Variants in WDR47 observed in about 807,000 individuals in gnomAD.
WDR47 encodes the protein WD repeat domain 47, also known as WD repeat-containing protein 47.
In WDR47, 32 loss-of-function variants were observed where a neutral mutation model predicts 97.2. The ratio of observed to expected loss-of-function variants is 0.33; its 90% confidence interval spans 0.25 to 0.44. The LOEUF is 0.44. Ranked by LOEUF, WDR47 falls within the 20% of genes least tolerant of loss-of-function variation. The pLI is 1.00. For missense variants in WDR47, 782 were observed against 1,102.3 expected, an observed-to-expected ratio of 0.71 and a Z score of 4.11; for synonymous variants, 375 against 373.5, an observed-to-expected ratio of 1.00 and a Z score of -0.05.
intron 10 of WDR47, among the ~76,000 whole-genome samples, chr1:108,986,048 A>C (rs1029654567): frequency 9.9e-5 from 15 of 152,096 alleles, no homozygotes; most frequent in South Asian, 6.2e-4. Flanking sequence ...ATAATTAAAA[A>C]GTCTTAAGAG....
intron 7 of WDR47, among the ~76,000 whole-genome samples, chr1:109,001,780 A>G (rs1660210489): frequency 6.6e-6 from 1 of 152,130 alleles, no homozygotes; most frequent in Non-Finnish European, 1.5e-5. Flanking sequence ...AGCGCCAGCT[A>G]CGCAGGAGGC....
chr1:109,014,913 A>T (rs2101961465), intron 3 of WDR47, among the ~76,000 whole-genome samples: 1 of 152,364 alleles, frequency 6.6e-6, no homozygotes, highest in Non-Finnish European at 1.5e-5. Context: ...CTGTTGTAGT[A>T]GCAAATTGTG....
chr1:109,035,737 CCA>C lies in WDR47; in HGVS notation c.-10+6123_-10+6124del, dbSNP rs539837479. ...TCTCGAACTCCCGACCTCAGGTGAT[CCA>C]CCCACCTCGGTCTCCCAAAATGCTG... On this transcript the variant is annotated intron_variant, in intron 1 of 14. Transcript: ENST00000369962. Among the ~76,000 whole-genome samples the C allele has an allele frequency of 2.2e-3, 330 of 152,046 alleles. 2 individuals carry two copies. The highest frequency in any genetic ancestry group is 7.5e-3 in the African/African-American group (311 of 41,492).
Position 109,015,838 on chromosome 1 carries a change from C to G in WDR47, c.242+1680G>C, listed in dbSNP as rs533023774. 9.2e-5 allele frequency among the ~76,000 whole-genome samples: 14 copies of G among 151,484 alleles called. No individual in the cohort carries two copies. In the East Asian group the frequency reaches 2.8e-3, roughly 30 times the overall value. On this transcript the variant is annotated intron_variant, in intron 3 of 14. Transcript: ENST00000369962. The stretch of plus-strand genomic sequence containing the variant: ...CCATTTCTAACAATACAAAAATTAG[C>G]TAGGCACAGTGGTGCATGCCTGTAG...
At chr1:108,984,008 G>A (rs1658567056) in intron 10 of WDR47, among the ~76,000 whole-genome samples, 1 of 152,146 alleles carries the variant, frequency 6.6e-6, no homozygotes. Context: ...AATTTTTACA[G>A]AAAAATAAGA....
chr1:109,024,321 G>A (rs1662055778), intron 1 of WDR47, among the ~76,000 whole-genome samples: 1 of 152,106 alleles, frequency 6.6e-6, no homozygotes, highest in Non-Finnish European at 1.5e-5. Context: ...GGGCAAGATG[G>A]TGTGTGTCTA....
chr1:108,995,233 T>G (rs1386268565), intron 8 of WDR47, among the ~76,000 whole-genome samples: 4 of 152,160 alleles, frequency 2.6e-5, no homozygotes, highest in Non-Finnish European at 5.9e-5. Flanking sequence ...GCCCTGAAAG[T>G]CTGAATTTTA....
chr1:108,986,961 G>T, intron 9 of WDR47: 1 of 261,094 alleles, frequency 3.8e-6, no homozygotes, highest in South Asian at 7.5e-5. Flanking sequence ...TATCATCAGT[G>T]ATGCTTCTTA....
In WDR47 at chr1:109,011,307, A is replaced by G; in HGVS notation, c.739T>C (p.Trp247Arg). The G allele has an allele frequency of 6.2e-7, 1 of 1,614,236 alleles. No homozygotes were observed. Among genetic ancestry groups the G allele is most frequent in the African/African-American group, 1.3e-5 (1 of 75,068 alleles). The change falls in exon 5 of 15, where the codon TGG (tryptophan) becomes CGG (arginine). Residue 247 changes from tryptophan (W) to arginine (R), a missense_variant. Around this residue, in one of 3 missense-constraint regions of WDR47, gnomAD observed 428 missense variants for 584.3 expected, o/e 0.73. Transcript: ENST00000369962. ...CDDLDLSLLS[W>R]LQNLPSSVFS... ...ACAGAAGATGGAAGATTCTGAAGCCATGACAGTAAACTCAGATCCAAATCA... is the reference window on the plus strand; with the variant it reads ...ACAGAAGATGGAAGATTCTGAAGCCGTGACAGTAAACTCAGATCCAAATCA...
chr1:109,028,634 G>T (rs924709329), intron 1 of WDR47, among the ~76,000 whole-genome samples: 1 of 151,588 alleles, frequency 6.6e-6, no homozygotes, highest in African/African-American at 2.4e-5. Flanking sequence ...TGTATCTTTA[G>T]TAGAGGTGGG....
At chr1:109,036,926 T>C (rs1405714825) in intron 1 of WDR47, among the ~76,000 whole-genome samples, 2 of 152,226 alleles carry the variant, frequency 1.3e-5, no homozygotes, top group Non-Finnish European at 2.9e-5. Flanking sequence ...ATTCCCATCA[T>C]CTAGGCTCTT....
chr1:109,033,780 G>A (rs1390611855), intron 1 of WDR47, among the ~76,000 whole-genome samples: 1 of 152,186 alleles, frequency 6.6e-6, no homozygotes, highest in African/African-American at 2.4e-5. Flanking sequence ...TTAGCTGGAC[G>A]TGATGGCACA....
chr1:108,982,542 G>A, intron 12 of WDR47, 67 bp downstream of exon 12: 1 of 1,514,788 alleles, frequency 6.6e-7, no homozygotes, highest in Non-Finnish European at 8.8e-7. Context: ...AAAAGAAAAT[G>A]CAGAGAGGAA....
chr1:109,004,235 A>C (rs1012136981), intron 6 of WDR47, among the ~76,000 whole-genome samples: 42 of 152,018 alleles, frequency 2.8e-4, no homozygotes, highest in Non-Finnish European at 5.0e-4. Context: ...ACTGCACTCC[A>C]GCCTGGGCGA....
At chr1:108,984,256 G>A (rs1169904246) in intron 10 of WDR47, among the ~76,000 whole-genome samples, 1 of 152,020 alleles carries the variant, frequency 6.6e-6, no homozygotes, top group African/African-American at 2.4e-5. Context: ...TGGGGTAACA[G>A]CATTTTATCT....
chr1:109,029,937 G>C (rs1466908657), intron 1 of WDR47: 2 of 359,908 alleles, frequency 5.6e-6, no homozygotes, highest in African/African-American at 4.2e-5. Context: ...TTGACTCTGT[G>C]TATTTCCATA....
chr1:108,981,800 A>G lies in WDR47; in HGVS notation c.2331T>C (p.Thr777=), dbSNP rs747195754. Residue 777 remains threonine, a synonymous_variant, in exon 13 of 15, where the codon ACT becomes ACC. Coordinates refer to ENST00000369962, the MANE Select transcript of WDR47 (RefSeq NM_001142551.2). ...WMIASGSQDK[T]VRFWDLRVPS... is the part of the protein sequence containing the mutation. ...GTACTCGAAGATCCCAAAATCTAACAGTCTTATCTTGGGAACCAGATGCAA... is the reference window on the plus strand; with the variant it reads ...GTACTCGAAGATCCCAAAATCTAACGGTCTTATCTTGGGAACCAGATGCAA... 2 of 1,614,068 alleles carry G rather than the reference A, an allele frequency of 1.2e-6. No individual in the cohort carries two copies. Among genetic ancestry groups the G allele is most frequent in the South Asian group, 1.1e-5 (1 of 91,086 alleles).
At chr1:109,039,009 T>C (rs758912502) in intron 1 of WDR47, among the ~76,000 whole-genome samples, 1 of 151,716 alleles carries the variant, frequency 6.6e-6, no homozygotes, top group African/African-American at 2.4e-5. Flanking sequence ...AATAAATAAA[T>C]AAATAAATAT....
Position 108,971,184 on chromosome 1 carries a change from C to T in WDR47, c.*246G>A, listed in dbSNP as rs938411080. ...AGTGCACACCAACAACTGAAGAGCT[C>T]TTCTGCAGACTTTGGCAACGAGACT... On this transcript the variant is annotated 3_prime_UTR_variant, in exon 15 of 15. Transcript: ENST00000369962. 1 of 441,420 alleles carries T rather than the reference C, an allele frequency of 2.3e-6. No homozygotes were observed. The highest frequency in any genetic ancestry group is 4.0e-6 in the Non-Finnish European group (1 of 247,386). The allele number at this position is 441,420 out of a possible 1,614,324, so 27.3% of individuals were successfully genotyped here. A position where few individuals can be genotyped will look rare whatever the true frequency, so the allele number is the denominator to read the frequency against.
Sources: allele counts gnomAD v4.1 joint callset (sites outside exome capture counted in the v4.1 genomes callset), GRCh38; gene constraint gnomAD v4.1.1; regional missense constraint gnomAD v4.1.1; transcripts MANE v1.5; gene names NCBI Gene and HGNC (gene_info 2026-07-23, HGNC 2026-07-21).